Variants in ING1 observed in about 807,000 individuals in gnomAD.
ING1 encodes the protein inhibitor of growth protein 1.
ING1 carries 4 observed loss-of-function variants against 23.1 expected under a neutral mutation model. The observed-to-expected ratio is 0.17, with a 90% CI of 0.09 to 0.40. The LOEUF (loss-of-function observed/expected upper bound fraction) is 0.40, where lower values mean the gene tolerates loss of function less well. ING1 is among the 10% of genes least tolerant of loss of function. The probability of loss-of-function intolerance (pLI) is 1.00; values close to 1 mark genes in which losing one functional copy is unlikely to be tolerated. For synonymous variants in ING1, 179 were observed against 166.4 expected (o/e 1.08, Z -0.58); for missense variants, 256 against 393.8 (o/e 0.65, Z 2.96).
At chr13:110,718,305 A>C (rs1057317659) in intron 1 of ING1, among the ~76,000 whole-genome samples, 6 of 152,162 alleles carry the variant, frequency 3.9e-5, no homozygotes, top group Admixed American at 3.3e-4. Flanking sequence ...AGTCCCAGCT[A>C]CTCAGGAGGC....
upstream of ING1, chr13:110,713,309 C>G (rs1594449408): frequency 1.5e-5 from 18 of 1,188,422 alleles, no homozygotes; most frequent in Non-Finnish European, 1.8e-5. Context: ...GTACCATGGT[C>G]TCGGAGGTTT....
intron 1 of ING1, chr13:110,715,627 C>T: frequency 1.2e-6 from 2 of 1,613,946 alleles, no homozygotes; most frequent in Admixed American, 1.7e-5. Context: ...GTCGCTCGGC[C>T]TCCAGCCTTG....
Position 110,722,718 on chromosome 13 carries a change from C to T in ING1, c.*2786C>T, listed in dbSNP as rs2064179308. On this transcript the variant is annotated 3_prime_UTR_variant, in exon 2 of 2. Coordinates refer to ENST00000333219, the MANE Select transcript of ING1 (RefSeq NM_198219.3). Reference sequence around the variant, plus strand: ...TTTCTCTAGCTTTCTTCAAGTTTCTCATAAGGACAGGTGGGTAGCCACTTA... The same window carrying T: ...TTTCTCTAGCTTTCTTCAAGTTTCTTATAAGGACAGGTGGGTAGCCACTTA... The T allele has an allele frequency of 6.6e-6, 1 of 152,106 alleles. No individual in the cohort carries two copies. Among genetic ancestry groups the T allele is most frequent in the South Asian group, 2.1e-4 (1 of 4,826 alleles). 9.4% of individuals were successfully genotyped at this position (152,106 alleles called of 1,614,324 possible). A position where few individuals can be genotyped will look rare whatever the true frequency, so the allele number is the denominator to read the frequency against.
intron 1 of ING1, chr13:110,715,169 C>A: frequency 1.7e-6 from 2 of 1,192,328 alleles, no homozygotes; most frequent in Non-Finnish European, 2.1e-6. Context: ...GGGAAACTTT[C>A]CTGCGAGGTC....
rs1455372085 is a variant in ING1, at chr13:110,715,718, C to T, written c.136+1433C>T. ...TGGTTCTCCTCCTGGCCTCCGCCCTCCAAATCGGCGATTCCCATAGGCGGC... is the reference window on the plus strand; with the variant it reads ...TGGTTCTCCTCCTGGCCTCCGCCCTTCAAATCGGCGATTCCCATAGGCGGC... On this transcript the variant is annotated intron_variant, in intron 1 of 1. Transcript: ENST00000333219. 1.9e-6 allele frequency: 3 copies of T among 1,589,260 alleles called. 1 individual carries two copies. The South Asian group carries it at 3.4e-5, about 18-fold the overall frequency.
At position 110,720,270 on chromosome 13, in the gene ING1, AT is replaced by A. The variant is rs1255698962; in HGVS notation, c.*342del. The A allele has an allele frequency of 5.4e-6, 1 of 183,856 alleles. No individual in the cohort carries two copies. Among genetic ancestry groups the A allele is most frequent in the African/African-American group, 2.4e-5 (1 of 42,100 alleles). The allele number at this position is 183,856 out of a possible 1,614,324, so 11.4% of individuals were successfully genotyped here. A position where few individuals can be genotyped will look rare whatever the true frequency, so the allele number is the denominator to read the frequency against. Reference sequence around the variant, plus strand: ...GGAAAATATTTCATTTAGCTTTTTTATTTTAATACAAGTAATATTATTACTT... The same window carrying A: ...GGAAAATATTTCATTTAGCTTTTTTATTTAATACAAGTAATATTATTACTT... On this transcript the variant is annotated 3_prime_UTR_variant, in exon 2 of 2. Transcript: ENST00000333219.
rs1289711312 is a variant in ING1, at chr13:110,723,112, CGTT to C, written c.*3183_*3185del. ...TCTATTGTAAACTGGACTAAAGAAA[CGTT>C]GTATGTTCAAGGAAGTGTTGAGCAG... On this transcript the variant is annotated 3_prime_UTR_variant, in exon 2 of 2. Coordinates refer to ENST00000333219, the MANE Select transcript of ING1 (RefSeq NM_198219.3). 6 of 152,260 alleles carry C rather than the reference CGTT, an allele frequency of 3.9e-5. No individual in the cohort carries two copies. Among genetic ancestry groups the C allele is most frequent in the South Asian group, 2.1e-4 (1 of 4,826 alleles). The allele number at this position is 152,260 out of a possible 1,614,324, so 9.4% of individuals were successfully genotyped here.
chr13:110,718,033 A>C (rs1409237650), intron 1 of ING1, among the ~76,000 whole-genome samples: 1 of 152,232 alleles, frequency 6.6e-6, no homozygotes, highest in African/African-American at 2.4e-5. Flanking sequence ...GAAATTGCCT[A>C]ATTACACTTG....
rs1274557394 is a variant in ING1 at position 110,720,199 on chromosome 13, G to A, written c.*267G>A. ...CACTTAAGTCTCAGACTGATTTCTT[G>A]CGGGAGGAGGGGGACTAAACTCAAC... On this transcript the variant is annotated 3_prime_UTR_variant, in exon 2 of 2. Coordinates refer to ENST00000333219, the MANE Select transcript of ING1 (RefSeq NM_198219.3). 7.1e-6 allele frequency: 2 copies of A among 283,044 alleles called. No homozygotes were observed. The highest frequency in any genetic ancestry group is 2.2e-5 in the African/African-American group (1 of 45,524). The allele number at this position is 283,044 out of a possible 1,614,324, so 17.5% of individuals were successfully genotyped here. A position where few individuals can be genotyped will look rare whatever the true frequency, so the allele number is the denominator to read the frequency against.
At chr13:110,717,296 C>T (rs190367021) in intron 1 of ING1, among the ~76,000 whole-genome samples, 1 of 152,144 alleles carries the variant, frequency 6.6e-6, no homozygotes, top group Admixed American at 6.6e-5. Flanking sequence ...CTAGGGCTTT[C>T]CTCCTGGTGG....
upstream of ING1, chr13:110,713,262 A>G: frequency 1.5e-6 from 2 of 1,325,632 alleles, no homozygotes; most frequent in Non-Finnish European, 1.9e-6. Flanking sequence ...GGGGACGAAG[A>G]GTCAGGGGCT....
intron 1 of ING1, chr13:110,715,329 C>G: frequency 6.9e-7 from 1 of 1,445,602 alleles, no homozygotes; most frequent in Non-Finnish European, 9.1e-7. Flanking sequence ...GACGCCTCTG[C>G]CGGGAAGGCG....
upstream of ING1, chr13:110,713,203 T>G (rs2139961900): frequency 4.2e-6 from 6 of 1,422,582 alleles, no homozygotes; most frequent in South Asian, 7.8e-5. Context: ...GATTGGCTAC[T>G]GCGGTTGCCA....
chr13:110,714,399 G>A, intron 1 of ING1, 114 bp downstream of exon 1: 2 of 1,063,802 alleles, frequency 1.9e-6, no homozygotes, highest in Admixed American at 4.5e-5. Context: ...CGGCTCCGCA[G>A]CGGCGGCCCT....
chr13:110,720,090 C>T lies in ING1; in HGVS notation c.*158C>T, dbSNP rs754200603. 7 of 600,518 alleles carry T rather than the reference C, an allele frequency of 1.2e-5. No individual in the cohort carries two copies. Among genetic ancestry groups the T allele is most frequent in the African/African-American group, 3.9e-5 (2 of 51,776 alleles). 37.2% of individuals were successfully genotyped at this position (600,518 alleles called of 1,614,324 possible). ...TAGGGATGGCAGTGATTCTGTTTGCCTTTTGTTTTCATTGGTACACGTGTA... is the reference window on the plus strand; with the variant it reads ...TAGGGATGGCAGTGATTCTGTTTGCTTTTTGTTTTCATTGGTACACGTGTA... On this transcript the variant is annotated 3_prime_UTR_variant, in exon 2 of 2. Coordinates refer to ENST00000333219, the MANE Select transcript of ING1 (RefSeq NM_198219.3).
upstream of ING1, chr13:110,712,956 T>TGGTGGTCCGGCCGC (rs775589504): frequency 2.6e-4 from 400 of 1,558,712 alleles, 2 homozygotes; most frequent in African/African-American, 5.2e-3. Context: ...CTGCTGGGAG[T>TGGTGGTCCGGCCGC]GGTGGTCCGG....
intron 1 of ING1, among the ~76,000 whole-genome samples, 187 bp downstream of exon 1, chr13:110,714,472 G>A (rs9555725): frequency 0.13 from 19,308 of 151,968 alleles, 1,643 homozygotes; most frequent in Non-Finnish European, 0.19. Flanking sequence ...TGTGTGCAAA[G>A]CCCGGGACAC....
rs2139964274 is a variant in ING1 at position 110,713,993 on chromosome 13, G to T, written c.-157G>T. ...CCCGCGGACCCGGAGGCGGCGGACG[G>T]GCTCGGCAGATGTAGCCGCCGGGCC... On this transcript the variant is annotated 5_prime_UTR_variant, in exon 1 of 2. Coordinates refer to ENST00000333219, the MANE Select transcript of ING1 (RefSeq NM_198219.3). 3 of 1,135,478 alleles carry T rather than the reference G, an allele frequency of 2.6e-6. No homozygotes were observed. In the South Asian group the frequency reaches 1.2e-4, roughly 47 times the overall value. The allele number at this position is 1,135,478 out of a possible 1,614,324, so 70.3% of individuals were successfully genotyped here.
At chr13:110,713,120 C>G (rs572712703), upstream of ING1, 869 of 1,429,884 alleles carry the variant, frequency 6.1e-4, no homozygotes, top group Non-Finnish European at 7.6e-4. Flanking sequence ...AGTAAGAGTC[C>G]GGGGGGCATT....
Sources: allele counts gnomAD v4.1 joint callset (sites outside exome capture counted in the v4.1 genomes callset), GRCh38; gene constraint gnomAD v4.1.1; transcripts MANE v1.5; gene names NCBI Gene and HGNC (gene_info 2026-07-23, HGNC 2026-07-21).